The following TANC2 variants were observed in gnomAD, a reference collection of about 807,000 sequenced individuals.
TANC2 encodes the protein tetratricopeptide repeat, ankyrin repeat and coiled-coil containing 2.
A neutral mutation model predicts 210.5 loss-of-function variants in TANC2; 26 were observed. The observed-to-expected ratio is 0.12, with a 90% CI of 0.09 to 0.17. The LOEUF is 0.17. Among genes scored for constraint, TANC2 ranks in the 10% least tolerant of loss-of-function variants. The probability of loss-of-function intolerance (pLI) is 1.00; values close to 1 mark genes in which losing one functional copy is unlikely to be tolerated. For synonymous variants in TANC2, 931 were observed against 967.1 expected (o/e 0.96, Z 0.69); for missense variants, 2,129 against 2,608.9 (o/e 0.82, Z 4.01).
At chr17:63,369,073 C>A (rs979373993) in intron 14 of TANC2, among the ~76,000 whole-genome samples, 1 of 152,172 alleles carries the variant, frequency 6.6e-6, no homozygotes, top group Admixed American at 6.5e-5. Flanking sequence ...GTCCAACTGG[C>A]AGAAAGGGAG....
At chr17:63,370,325 T>C (rs1485492464) in intron 14 of TANC2, among the ~76,000 whole-genome samples, 1 of 151,974 alleles carries the variant, frequency 6.6e-6, no homozygotes, top group Non-Finnish European at 1.5e-5. Context: ...ACTACAGGCA[T>C]CCGCCACCAC....
At chr17:63,064,430 T>TTGTGGGTGACAGAGCGAGACCC (rs2036120015) in intron 2 of TANC2, among the ~76,000 whole-genome samples, 1 of 152,122 alleles carries the variant, frequency 6.6e-6, no homozygotes. Flanking sequence ...CTGTATTCCG[T>TTGTGGGTGACAGAGCGAGACCC]TGTGGGTGAC....
intron 11 of TANC2, among the ~76,000 whole-genome samples, chr17:63,331,202 C>A (rs571421263): frequency 6.6e-6 from 1 of 152,246 alleles, no homozygotes; most frequent in Non-Finnish European, 1.5e-5. Flanking sequence ...ATTATCACTT[C>A]TTTAACCATT....
chr17:63,204,751 C>T (rs756199599), intron 7 of TANC2, among the ~76,000 whole-genome samples: 17 of 152,258 alleles, frequency 1.1e-4, no homozygotes, highest in South Asian at 2.1e-4. Context: ...GATTTCAAAA[C>T]TTATTACAAA....
At chr17:63,411,626 T>C (rs1447276550) in exon 22 of TANC2, 2 of 1,613,932 alleles carry the variant, frequency 1.2e-6, no homozygotes, top group Non-Finnish European at 1.7e-6. Context: ...CCACAGACCA[T>C]GCTGACAAGA....
intron 5 of TANC2, among the ~76,000 whole-genome samples, chr17:63,176,040 G>A (rs2040568164): frequency 6.6e-6 from 1 of 152,158 alleles, no homozygotes; most frequent in East Asian, 1.9e-4. Flanking sequence ...AATTAAAAAG[G>A]CTCTCACTGC....
At chr17:63,069,236 A>G (rs1017738555) in intron 2 of TANC2, among the ~76,000 whole-genome samples, 5 of 152,176 alleles carry the variant, frequency 3.3e-5, no homozygotes, top group African/African-American at 9.7e-5. Flanking sequence ...TACATTATGA[A>G]CATATTTCTC....
chr17:63,141,872 T>G lies in TANC2; in HGVS notation c.323-9398T>G, dbSNP rs2039303937. 3.3e-5 allele frequency among the ~76,000 whole-genome samples: 5 copies of G among 152,222 alleles called. 1 individual carries two copies. The highest frequency in any genetic ancestry group is 3.3e-4 in the Admixed American group (5 of 15,286). On this transcript the variant is annotated intron_variant, in intron 4 of 27. Transcript: ENST00000689528. The stretch of plus-strand genomic sequence containing the variant: ...GCAAAATTAAAAGTTTGTATAAAGC[T>G]CTATAAGAAAACTACCGTCTATAGA...
At chr17:63,165,189 G>T (rs1039293844) in intron 5 of TANC2, among the ~76,000 whole-genome samples, 4 of 151,938 alleles carry the variant, frequency 2.6e-5, no homozygotes, top group African/African-American at 7.3e-5. Context: ...CAGGAGGAAC[G>T]CTTCAGCCCA....
chr17:63,328,693 G>A (rs1215201422), intron 11 of TANC2, among the ~76,000 whole-genome samples: 1 of 151,444 alleles, frequency 6.6e-6, no homozygotes, highest in African/African-American at 2.4e-5. Context: ...CTTCTCCCTT[G>A]TACAAATTTT....
At position 63,417,062 on chromosome 17, in the gene TANC2, G is replaced by A. The variant is rs539915602; in HGVS notation, c.4168-1245G>A. ...GATGGTCCCAAAAGAACAAATAAAA[G>A]GGTAAGGCTGGAAGCAGAGCAGGGA... On this transcript the variant is annotated intron_variant, in intron 26 of 27. Transcript: ENST00000689528. Among the ~76,000 whole-genome samples the A allele has an allele frequency of 3.7e-3, 569 of 152,302 alleles. 4 individuals are homozygous for A. The highest frequency in any genetic ancestry group is 0.013 in the African/African-American group (551 of 41,562).
At chr17:63,376,192 G>A (rs540262505) in intron 14 of TANC2, among the ~76,000 whole-genome samples, 1 of 151,972 alleles carries the variant, frequency 6.6e-6, no homozygotes, top group Non-Finnish European at 1.5e-5. Flanking sequence ...CCAGCACTTT[G>A]GGAGGCCAAG....
intron 9 of TANC2, among the ~76,000 whole-genome samples, chr17:63,273,594 C>T (rs531967576): frequency 6.6e-6 from 1 of 152,262 alleles, no homozygotes; most frequent in South Asian, 2.1e-4. Context: ...GAACATATCT[C>T]AAGAATCTAG....
intron 11 of TANC2, among the ~76,000 whole-genome samples, chr17:63,328,227 C>T (rs1332431480): frequency 1.3e-5 from 2 of 152,142 alleles, no homozygotes; most frequent in African/African-American, 2.4e-5. Flanking sequence ...TACTACCTGT[C>T]GGGTACTATG....
intron 7 of TANC2, among the ~76,000 whole-genome samples, chr17:63,225,562 T>C (rs2042306387): frequency 6.6e-6 from 1 of 152,212 alleles, no homozygotes; most frequent in South Asian, 2.1e-4. Context: ...ATTCCTGAGC[T>C]AAATTTATGT....
At chr17:63,284,138 A>T (rs1256914073) in intron 9 of TANC2, among the ~76,000 whole-genome samples, 1 of 151,902 alleles carries the variant, frequency 6.6e-6, no homozygotes, top group Non-Finnish European at 1.5e-5. Flanking sequence ...TGCTGTTGTT[A>T]GTTTGTTGAT....
chr17:63,013,908 T>C (rs1598253665), intron 2 of TANC2, among the ~76,000 whole-genome samples: 1 of 152,184 alleles, frequency 6.6e-6, no homozygotes, highest in Admixed American at 6.5e-5. Flanking sequence ...AATTTTTCTC[T>C]CATTTTTTTT....
At chr17:63,179,771 C>T (rs1283468339) in intron 5 of TANC2, among the ~76,000 whole-genome samples, 1 of 152,022 alleles carries the variant, frequency 6.6e-6, no homozygotes, top group African/African-American at 2.4e-5. Flanking sequence ...AATCCTGTTC[C>T]ATCCCTTTCC....
intron 2 of TANC2, among the ~76,000 whole-genome samples, chr17:63,017,031 C>A (rs72843161): frequency 0.078 from 11,862 of 152,158 alleles, 603 homozygotes; most frequent in Admixed American, 0.14. Context: ...GGATTTACTC[C>A]TATGTTTTCT....
Sources: allele counts gnomAD v4.1 joint callset (sites outside exome capture counted in the v4.1 genomes callset), GRCh38; gene constraint gnomAD v4.1.1; transcripts MANE v1.5; gene names NCBI Gene and HGNC (gene_info 2026-07-23, HGNC 2026-07-21).